Variants in FBXO16 observed in about 807,000 individuals in gnomAD.
FBXO16 encodes the protein F-box only protein 16.
FBXO16 carries 31 observed loss-of-function variants against 41.0 expected under a neutral mutation model. The ratio of observed to expected loss-of-function variants is 0.76; its 90% CI spans 0.57 to 1.02. The LOEUF (loss-of-function observed/expected upper bound fraction) is 1.02. Among genes scored for constraint, FBXO16 ranks in the 50% least tolerant of loss-of-function variants. The probability of loss-of-function intolerance (pLI) is 0.00; values close to 1 mark genes in which losing one functional copy is unlikely to be tolerated. For missense variants in FBXO16, 361 were observed against 346.2 expected (o/e 1.04, Z -0.34); for synonymous variants, 133 against 117.8 (o/e 1.13, Z -0.84).
chr8:28,444,731 C>T (rs560504622), intron 7 of FBXO16, among the ~76,000 whole-genome samples: 5 of 149,064 alleles, frequency 3.4e-5, no homozygotes, highest in East Asian at 3.9e-4. Flanking sequence ...CTGCCCACCT[C>T]GGCCTCCCAA....
rs748151340 is a variant in FBXO16, at chr8:28,429,411, C to T, written c.844-8G>A. On this transcript the variant is annotated splice_region_variant and splice_polypyrimidine_tract_variant and intron_variant, in intron 7 of 8. Coordinates refer to ENST00000380254, the MANE Select transcript of FBXO16 (RefSeq NM_172366.4). The stretch of plus-strand genomic sequence containing the variant: ...GGGATTTCTCCTCGACATCTGGCCG[C>T]GAGCAGGAAAGGGAAGAGAATGGAG... 17 of 1,613,634 alleles carry T rather than the reference C, an allele frequency of 1.1e-5. No homozygotes were observed. Among genetic ancestry groups the T allele is most frequent in the South Asian group, 9.9e-5 (9 of 91,074 alleles).
At chr8:28,444,779 CT>C (rs71549666) in intron 7 of FBXO16, among the ~76,000 whole-genome samples, 121 of 30,824 alleles carry the variant, frequency 3.9e-3, no homozygotes, top group African/African-American at 0.013. Flanking sequence ...CGCGCCCGGA[CT>C]TTTTTTTTTT....
intron 3 of FBXO16, among the ~76,000 whole-genome samples, chr8:28,469,940 C>T (rs955764366): frequency 1.4e-5 from 2 of 147,426 alleles, no homozygotes; most frequent in African/African-American, 5.0e-5. Context: ...GCGGTGGGCT[C>T]ACGCCTGTAA....
chr8:28,433,781 C>T (rs1046426601), intron 7 of FBXO16, among the ~76,000 whole-genome samples: 3 of 152,078 alleles, frequency 2.0e-5, no homozygotes, highest in Non-Finnish European at 2.9e-5. Context: ...TTTTTTCAGG[C>T]TGGATGCCAT....
intron 7 of FBXO16, among the ~76,000 whole-genome samples, chr8:28,430,034 A>G (rs571687628): frequency 2.6e-5 from 4 of 152,228 alleles, no homozygotes; most frequent in African/African-American, 9.6e-5. Context: ...TTTGTCCCCC[A>G]ATGAGGCTGC....
At chr8:28,472,487 C>A (rs1803353755) in intron 3 of FBXO16, among the ~76,000 whole-genome samples, 1 of 152,122 alleles carries the variant, frequency 6.6e-6, no homozygotes, top group South Asian at 2.1e-4. Flanking sequence ...GTAATCCCAG[C>A]ACTTTGGGAG....
chr8:28,436,955 T>A (rs1449266139), intron 7 of FBXO16, among the ~76,000 whole-genome samples: 2 of 152,116 alleles, frequency 1.3e-5, no homozygotes. Context: ...GGCCTCATTA[T>A]GTTACCCAGG....
At chr8:28,442,627 G>A (rs1412929940) in intron 7 of FBXO16, among the ~76,000 whole-genome samples, 3 of 151,964 alleles carry the variant, frequency 2.0e-5, no homozygotes, top group Admixed American at 6.6e-5. Context: ...CAGGTGATCC[G>A]CCTGCCTCAG....
At chr8:28,442,846 T>C (rs918130396) in intron 7 of FBXO16, among the ~76,000 whole-genome samples, 1 of 152,244 alleles carries the variant, frequency 6.6e-6, no homozygotes, top group Non-Finnish European at 1.5e-5. Context: ...ATAGGAAACA[T>C]GACAAGCTCA....
At chr8:28,444,106 C>A (rs1802822724) in intron 7 of FBXO16, among the ~76,000 whole-genome samples, 1 of 152,182 alleles carries the variant, frequency 6.6e-6, no homozygotes, top group East Asian at 1.9e-4. Flanking sequence ...TGGATCCAGA[C>A]CCTTTCTGGT....
intron 6 of FBXO16, among the ~76,000 whole-genome samples, chr8:28,449,763 G>A (rs1456041923): frequency 6.6e-6 from 1 of 151,934 alleles, no homozygotes; most frequent in Non-Finnish European, 1.5e-5. Context: ...CATGAGGTTA[G>A]GAGTTCGAGA....
At chr8:28,445,010 T>C (rs1447637715) in intron 7 of FBXO16, among the ~76,000 whole-genome samples, 1 of 151,966 alleles carries the variant, frequency 6.6e-6, no homozygotes, top group Non-Finnish European at 1.5e-5. Context: ...AGAGAGGAAC[T>C]GAGTCACACC....
At chr8:28,464,075 T>C (rs1303034232) in intron 3 of FBXO16, among the ~76,000 whole-genome samples, 3 of 152,156 alleles carry the variant, frequency 2.0e-5, no homozygotes, top group Non-Finnish European at 2.9e-5. Context: ...AACAATAAAT[T>C]GGGAGCTGGC....
At chr8:28,455,432 T>C (rs1803024337) in intron 5 of FBXO16, among the ~76,000 whole-genome samples, 1 of 152,178 alleles carries the variant, frequency 6.6e-6, no homozygotes, top group Non-Finnish European at 1.5e-5. Flanking sequence ...AGACAGGGTC[T>C]TCCTATGTTA....
intron 5 of FBXO16, among the ~76,000 whole-genome samples, chr8:28,454,413 T>C (rs1203515932): frequency 6.6e-6 from 1 of 151,614 alleles, no homozygotes; most frequent in Non-Finnish European, 1.5e-5. Flanking sequence ...TAGGCATAAA[T>C]GCTAGTAGTT....
intron 7 of FBXO16, among the ~76,000 whole-genome samples, chr8:28,432,330 G>A (rs751609683): frequency 1.3e-5 from 2 of 151,800 alleles, no homozygotes; most frequent in South Asian, 2.1e-4. Flanking sequence ...AAAAATTAGC[G>A]GGGCGTGGTG....
At chr8:28,459,496 T>C (rs1447124515) in intron 4 of FBXO16, among the ~76,000 whole-genome samples, 1 of 151,716 alleles carries the variant, frequency 6.6e-6, no homozygotes, top group Non-Finnish European at 1.5e-5. Context: ...CATGCGCCTG[T>C]AATCCCAGCT....
Position 28,428,629 on chromosome 8 carries a change from C to T in FBXO16, c.*98G>A. On this transcript the variant is annotated 3_prime_UTR_variant, in exon 9 of 9. Transcript: ENST00000380254. ...GCCCAGGGTGCCTGTGAGGATGCTG[C>T]ATGAGAATTTCAGCTGTGGTGGCAG... 1 of 1,553,508 alleles carries T rather than the reference C, an allele frequency of 6.4e-7. No homozygotes were observed. Among genetic ancestry groups the T allele is most frequent in the Non-Finnish European group, 8.7e-7 (1 of 1,148,120 alleles).
intron 4 of FBXO16, among the ~76,000 whole-genome samples, chr8:28,463,346 T>C (rs1331134062): frequency 6.6e-6 from 1 of 151,068 alleles, no homozygotes; most frequent in Non-Finnish European, 1.5e-5. Flanking sequence ...GTGTGTATAT[T>C]TGTGTTTGTG....
Sources: gnomAD v4.1 joint callset for allele counts (sites outside exome capture counted in the v4.1 genomes callset) on GRCh38, gnomAD v4.1.1 for gene constraint, MANE v1.5 for transcripts, NCBI Gene and HGNC (gene_info 2026-07-23, HGNC 2026-07-21) for gene names.